ELMOD1: variants seen among roughly 807,000 people sequenced by gnomAD.
The protein encoded by ELMOD1 is ELMO domain containing 1.
ELMOD1 carries 21 observed loss-of-function variants against 46.7 expected under a neutral mutation model. That is an observed-to-expected ratio of 0.45 (90% CI 0.32 to 0.65). ELMOD1 has a LOEUF of 0.65. ELMOD1 is among the 30% of genes least tolerant of loss of function. The probability of loss-of-function intolerance (pLI) is 0.04; values close to 1 mark genes in which losing one functional copy is unlikely to be tolerated. For missense variants in ELMOD1, 348 were observed against 407.8 expected (o/e 0.85, Z 1.26); for synonymous variants, 122 against 138.2 (o/e 0.88, Z 0.82).
At chr11:107,632,952 C>T (rs1026863864) in intron 5 of ELMOD1, among the ~76,000 whole-genome samples, 2 of 152,248 alleles carry the variant, frequency 1.3e-5, no homozygotes, top group Middle Eastern at 3.4e-3. Flanking sequence ...TGGGCATTGA[C>T]ATCATGCCAC....
intron 1 of ELMOD1, among the ~76,000 whole-genome samples, chr11:107,611,880 G>A (rs1276494148): frequency 6.6e-6 from 1 of 152,010 alleles, no homozygotes; most frequent in East Asian, 1.9e-4. Flanking sequence ...GCAGATGCTG[G>A]CAAGGCTGGG....
At chr11:107,611,704 CAAAAAAAAAAAAAA>C (rs71470853) in intron 1 of ELMOD1, among the ~76,000 whole-genome samples, 4 of 55,792 alleles carry the variant, frequency 7.2e-5, no homozygotes, top group Non-Finnish European at 1.3e-4. Flanking sequence ...GACTCCATCT[CAAAAAAAAAAAAAA>C]AAAAAAAAAA....
chr11:107,641,045 A>G (rs764734704), intron 6 of ELMOD1, among the ~76,000 whole-genome samples: 11 of 152,220 alleles, frequency 7.2e-5, no homozygotes, highest in Non-Finnish European at 1.5e-4. Context: ...TCTAACAGGC[A>G]CTTTGGGAAG....
At chr11:107,632,263 TG>T (rs1404801059) in intron 5 of ELMOD1, among the ~76,000 whole-genome samples, 2 of 152,230 alleles carry the variant, frequency 1.3e-5, no homozygotes, top group African/African-American at 4.8e-5. Flanking sequence ...TATTTTCCAC[TG>T]GGTACAGCAA....
At chr11:107,618,287 C>T (rs1214729530) in intron 2 of ELMOD1, 81 bp downstream of exon 2, 4 of 1,441,750 alleles carry the variant, frequency 2.8e-6, no homozygotes, top group Admixed American at 2.0e-5. Context: ...TACCAGTCAT[C>T]GTTTGTGATC....
chr11:107,658,250 G>A (rs1469576485), intron 11 of ELMOD1, among the ~76,000 whole-genome samples: 1 of 152,060 alleles, frequency 6.6e-6, no homozygotes, highest in Admixed American at 6.5e-5. Context: ...GGGTTTTTTT[G>A]GTTTTTCGTT....
At chr11:107,599,493 G>A (rs1339813597) in intron 1 of ELMOD1, among the ~76,000 whole-genome samples, 1 of 152,048 alleles carries the variant, frequency 6.6e-6, no homozygotes, top group Non-Finnish European at 1.5e-5. Context: ...TGTAATCCCT[G>A]CACTTTGGGA....
At chr11:107,629,226 G>T (rs367745277) in intron 2 of ELMOD1, among the ~76,000 whole-genome samples, 1 of 152,166 alleles carries the variant, frequency 6.6e-6, no homozygotes, top group Non-Finnish European at 1.5e-5. Flanking sequence ...AAAGGAACAC[G>T]GTCAAGGTTT....
chr11:107,629,367 CT>C (rs1479519390), intron 2 of ELMOD1, among the ~76,000 whole-genome samples: 1 of 152,142 alleles, frequency 6.6e-6, no homozygotes, highest in East Asian at 1.9e-4. Flanking sequence ...AAAGAAAAAT[CT>C]TTTCCAGATG....
intron 2 of ELMOD1, among the ~76,000 whole-genome samples, chr11:107,628,913 T>C (rs1366935957): frequency 6.6e-6 from 1 of 152,174 alleles, no homozygotes; most frequent in East Asian, 1.9e-4. Flanking sequence ...ATTAAAATTT[T>C]TGTTTTATTT....
At chr11:107,625,063 C>A (rs1866018056) in intron 2 of ELMOD1, among the ~76,000 whole-genome samples, 1 of 152,178 alleles carries the variant, frequency 6.6e-6, no homozygotes, top group Non-Finnish European at 1.5e-5. Context: ...CCTAGAGACC[C>A]ACGGATGGTT....
intron 7 of ELMOD1, among the ~76,000 whole-genome samples, chr11:107,648,764 A>ATT (rs11369220): frequency 0.028 from 4,106 of 147,478 alleles, 70 homozygotes; most frequent in Middle Eastern, 0.086. Flanking sequence ...GTTAGTGTCA[A>ATT]TTTTTTTTTT....
At chr11:107,642,561 G>T (rs1409970866) in intron 6 of ELMOD1, among the ~76,000 whole-genome samples, 3 of 151,852 alleles carry the variant, frequency 2.0e-5, no homozygotes, top group Non-Finnish European at 4.4e-5. Flanking sequence ...AGTAGAGACG[G>T]GGTTTCACCG....
intron 1 of ELMOD1, among the ~76,000 whole-genome samples, chr11:107,616,233 T>C (rs1330621687): frequency 4.6e-5 from 7 of 152,108 alleles, no homozygotes. Context: ...TGGCCTCAAG[T>C]GATCTGCCTG....
chr11:107,621,959 G>A (rs935660670), intron 2 of ELMOD1, among the ~76,000 whole-genome samples: 9 of 152,034 alleles, frequency 5.9e-5, no homozygotes, highest in African/African-American at 1.7e-4. Flanking sequence ...CCCAGGAGGC[G>A]GAGGTTGCAG....
rs1866217384 is a variant in ELMOD1 at position 107,635,694 on chromosome 11, G to A, written c.349G>A (p.Ala117Thr). The A allele has an allele frequency of 6.2e-7, 1 of 1,613,902 alleles. No individual in the cohort carries two copies. The highest frequency in any genetic ancestry group is 8.5e-7 in the Non-Finnish European group (1 of 1,179,848). ...AATCGTTGGGTACAGGAACCTTATT[G>A]CAGATGTGGAAAAACTGCGTAGAGA... is the stretch of plus-strand genomic sequence containing the variant. ...LQIVGYRNLI[A>T]DVEKLRREAY... is the part of the protein sequence containing the mutation. Residue 117 changes from alanine to threonine, a missense_variant, in exon 6 of 12, where the codon GCA (alanine) becomes ACA (threonine). Transcript: ENST00000265840.
Position 107,647,548 on chromosome 11 carries a change from T to A in ELMOD1, c.501T>A (p.Asp167Glu), listed in dbSNP as rs1176280312. ...GGTGTGAAATTGGTTTCCAAGGTGA[T>A]GATCCTAAAACAGACTTTCGAGGAA... Reference protein sequence around the residue: ...KQWCEIGFQGDDPKTDFRGMG... With the variant: ...KQWCEIGFQGEDPKTDFRGMG... The change falls in exon 7 of 12, where the codon GAT (aspartate) becomes GAA (glutamate). Residue 167 changes from aspartate to glutamate, a missense_variant. By Grantham distance (45) the Asp-to-Glu change is conservative. Coordinates refer to ENST00000265840, the MANE Select transcript of ELMOD1 (RefSeq NM_018712.4). 1 of 1,613,810 alleles carries A rather than the reference T, an allele frequency of 6.2e-7. No individual in the cohort carries two copies. The highest frequency in any genetic ancestry group is 2.2e-5 in the East Asian group (1 of 44,852).
At chr11:107,631,874 C>T (rs1391782054) in intron 5 of ELMOD1, among the ~76,000 whole-genome samples, 197 bp downstream of exon 5, 1 of 152,050 alleles carries the variant, frequency 6.6e-6, no homozygotes, top group East Asian at 1.9e-4. Context: ...TTTGTACTTC[C>T]TTTGTGGCTT....
chr11:107,656,508 A>G lies in ELMOD1; in HGVS notation c.832+442A>G, dbSNP rs1192079050. On this transcript the variant is annotated intron_variant, in intron 11 of 11. Transcript: ENST00000265840. ...TATAGAGAGAGAGAGAAAGAGAAAGAGAGAGATTTCTGTAGAACACTCCAG... is the reference window on the plus strand; with the variant it reads ...TATAGAGAGAGAGAGAAAGAGAAAGGGAGAGATTTCTGTAGAACACTCCAG... 2.0e-5 allele frequency among the ~76,000 whole-genome samples: 3 copies of G among 150,748 alleles called. No individual in the cohort carries two copies. In the East Asian group the frequency reaches 5.8e-4, roughly 29 times the overall value.
Sources: allele counts gnomAD v4.1 joint callset (sites outside exome capture counted in the v4.1 genomes callset), GRCh38; gene constraint gnomAD v4.1.1; transcripts MANE v1.5; gene names NCBI Gene and HGNC (gene_info 2026-07-23, HGNC 2026-07-21).